LAMB1: variants seen among roughly 807,000 people sequenced by gnomAD.
The protein encoded by LAMB1 is laminin subunit beta 1.
LAMB1 carries 121 observed loss-of-function variants against 222.3 expected under a neutral mutation model. The observed-to-expected ratio is 0.54, with a 90% CI of 0.47 to 0.63. The LOEUF (loss-of-function observed/expected upper bound fraction) is 0.63. LAMB1 is among the 30% of genes least tolerant of loss of function. The pLI is 0.00. For missense variants in LAMB1, 2,172 were observed against 2,240.8 expected (o/e 0.97, Z 0.62); for synonymous variants, 794 against 807.2 (o/e 0.98, Z 0.28).
chr7:107,951,472 G>T (rs1012113202), intron 23 of LAMB1, 150 bp from the exon 24 acceptor site: 3 of 653,728 alleles, frequency 4.6e-6, no homozygotes, highest in Admixed American at 2.9e-5. Flanking sequence ...CACTTCAATC[G>T]TAGGTGTCGA....
intron 13 of LAMB1, among the ~76,000 whole-genome samples, chr7:107,971,115 C>T (rs896706874): frequency 1.3e-5 from 2 of 152,188 alleles, no homozygotes; most frequent in African/African-American, 4.8e-5. Flanking sequence ...TACCAAAAAT[C>T]CATTTAGCTC....
chr7:107,944,384 A>G (rs1031243550), intron 24 of LAMB1, among the ~76,000 whole-genome samples: 7 of 152,172 alleles, frequency 4.6e-5, no homozygotes, highest in South Asian at 2.1e-4. Context: ...AAGAGTTCCA[A>G]TGAGCTAGCA....
chr7:107,989,770 A>G (rs1220091735), intron 5 of LAMB1, among the ~76,000 whole-genome samples: 1 of 152,154 alleles, frequency 6.6e-6, no homozygotes, highest in Admixed American at 6.5e-5. Flanking sequence ...CTCTGTGCCA[A>G]TGGCTCTGTG....
At chr7:107,958,113 C>CT (rs1326979214) in intron 20 of LAMB1, among the ~76,000 whole-genome samples, 1 of 152,180 alleles carries the variant, frequency 6.6e-6, no homozygotes, top group Non-Finnish European at 1.5e-5. Flanking sequence ...ATGTCTTTCT[C>CT]TGTTTTCTCA....
Position 107,961,667 on chromosome 7 carries a change from G to A in LAMB1, c.1867C>T (p.His623Tyr), listed in dbSNP as rs752194192. ...LIRYEPQLPDHWEKAVITVQR... is the reference protein window; with the variant it reads ...LIRYEPQLPDYWEKAVITVQR... The stretch of plus-strand genomic sequence containing the variant: ...ACTGTGATGACAGCTTTTTCCCAGT[G>A]GTCGGGTAGCTAGAATAAGAAACAA... The change falls in exon 16 of 34, where the codon CAC (histidine) becomes TAC (tyrosine). Residue 623 changes from histidine to tyrosine, a missense_variant. By Grantham distance (83) the His-to-Tyr change is moderately conservative. Transcript: ENST00000222399. 6.2e-6 allele frequency: 10 copies of A among 1,613,082 alleles called. No individual in the cohort carries two copies. Among genetic ancestry groups the A allele is most frequent in the Admixed American group, 5.0e-5 (3 of 59,982 alleles).
At chr7:107,956,612 T>G (rs1051241901) in intron 20 of LAMB1, among the ~76,000 whole-genome samples, 4 of 152,232 alleles carry the variant, frequency 2.6e-5, no homozygotes, top group African/African-American at 9.6e-5. Context: ...GAGTCTGTCC[T>G]CCTAGGCGGG....
intron 21 of LAMB1, 110 bp downstream of exon 21, chr7:107,955,357 T>G: frequency 4.2e-6 from 4 of 948,810 alleles, no homozygotes; most frequent in Non-Finnish European, 5.9e-6. Flanking sequence ...TTAAAAATTA[T>G]AAAAGTAGAC....
chr7:107,967,143 A>G (rs917461032), intron 13 of LAMB1, among the ~76,000 whole-genome samples: 3 of 152,164 alleles, frequency 2.0e-5, no homozygotes, highest in African/African-American at 7.2e-5. Flanking sequence ...CACCACCCAC[A>G]CTGACTTCTT....
chr7:107,992,852 A>C (rs187989956), intron 5 of LAMB1, among the ~76,000 whole-genome samples: 1 of 152,152 alleles, frequency 6.6e-6, no homozygotes, highest in African/African-American at 2.4e-5. Context: ...CCAAGATTGC[A>C]CCACTGCACT....
intron 19 of LAMB1, 103 bp from the exon 20 acceptor site, chr7:107,959,583 G>T: frequency 6.2e-7 from 1 of 1,610,420 alleles, no homozygotes; most frequent in Non-Finnish European, 8.5e-7. Flanking sequence ...CTCATGGGTT[G>T]GTGTGATCAA....
intron 20 of LAMB1, among the ~76,000 whole-genome samples, chr7:107,956,283 T>C (rs1202465542): frequency 2.0e-5 from 3 of 152,204 alleles, no homozygotes; most frequent in African/African-American, 7.2e-5. Flanking sequence ...TCTGCCCACC[T>C]CTCTTTATGT....
At chr7:107,955,422 A>AT (rs1164269497) in intron 21 of LAMB1, 45 bp downstream of exon 21, 9 of 1,549,558 alleles carry the variant, frequency 5.8e-6, no homozygotes, top group Non-Finnish European at 7.0e-6. Flanking sequence ...TCATAAAGAC[A>AT]TCTTTTTCTC....
In LAMB1 at chr7:107,981,446, A is replaced by T. The variant is rs1383149383; in HGVS notation, c.677-635T>A. Among the ~76,000 whole-genome samples the T allele has an allele frequency of 3.3e-4, 13 of 39,550 alleles. No individual in the cohort carries two copies. The South Asian group carries it at 6.0e-3, about 18-fold the overall frequency. 25.9% of individuals were successfully genotyped at this position (39,550 alleles called of 152,430 possible). A position where few individuals can be genotyped will look rare whatever the true frequency, so the allele number is the denominator to read the frequency against. On this transcript the variant is annotated intron_variant, in intron 7 of 33. Coordinates refer to ENST00000222399, the MANE Select transcript of LAMB1 (RefSeq NM_002291.3). ...CTGAACGACAAGAGCAAAACTGTTT[A>T]AAAAAAAAAAAAAAAAATTAGCCAG...
At chr7:107,960,301 G>A (rs1035490157) in intron 18 of LAMB1, 144 bp downstream of exon 18, 1 of 623,564 alleles carries the variant, frequency 1.6e-6, no homozygotes, top group Non-Finnish European at 2.8e-6. Context: ...TACTTAAAAA[G>A]ATAAAGACAA....
chr7:107,965,276 CT>C (rs2033608941), intron 13 of LAMB1, among the ~76,000 whole-genome samples: 1 of 152,188 alleles, frequency 6.6e-6, no homozygotes, highest in Admixed American at 6.5e-5. Flanking sequence ...ATTGGCTATG[CT>C]ATGCTAAATA....
rs1286031256 is a variant in LAMB1 at position 107,961,649 on chromosome 7, T to A, written c.1885A>T (p.Ile629Phe). The A allele has an allele frequency of 6.2e-7, 1 of 1,613,908 alleles. No homozygotes were observed. Among genetic ancestry groups the A allele is most frequent in the South Asian group, 1.1e-5 (1 of 91,068 alleles). ...QLPDHWEKAV[I>F]TVQRPGRIPT... The stretch of plus-strand genomic sequence containing the variant: ...ATCCTTCCAGGTCGCTGCACTGTGA[T>A]GACAGCTTTTTCCCAGTGGTCGGGT... Residue 629 changes from isoleucine (I) to phenylalanine (F), a missense_variant, in exon 16 of 34, where the codon ATC (isoleucine) becomes TTC (phenylalanine). Physicochemically the swap from Ile to Phe is conservative, Grantham distance 21. Transcript: ENST00000222399.
chr7:107,961,582 T>C lies in LAMB1; in HGVS notation c.1952A>G (p.Asp651Gly). The C allele has an allele frequency of 1.2e-6, 2 of 1,614,130 alleles. No homozygotes were observed. Among genetic ancestry groups the C allele is most frequent in the Non-Finnish European group, 1.7e-6 (2 of 1,179,984 alleles). ...SRCGNTIPDD[D>G]NQVVSLSPGS... is the part of the protein sequence containing the mutation. ...TGGTGATAATGACACCACCTGGTTGTCATCATCGGGGATGGTATTACCACA... is the reference window on the plus strand; with the variant it reads ...TGGTGATAATGACACCACCTGGTTGCCATCATCGGGGATGGTATTACCACA... The change falls in exon 16 of 34, where the codon GAC becomes GGC. Residue 651 changes from aspartate to glycine, a missense_variant. Asp to Gly is a moderately conservative substitution (Grantham distance 94). Transcript: ENST00000222399.
chr7:107,948,585 A>AAAT (rs2033178139), intron 24 of LAMB1, among the ~76,000 whole-genome samples: 1 of 152,188 alleles, frequency 6.6e-6, no homozygotes, highest in African/African-American at 2.4e-5. Flanking sequence ...TATCATTATT[A>AAAT]GGGTCACGAA....
intron 5 of LAMB1, among the ~76,000 whole-genome samples, chr7:107,993,441 G>A (rs2034223783): frequency 6.6e-6 from 1 of 152,050 alleles, no homozygotes; most frequent in South Asian, 2.1e-4. Context: ...GCCCCAACTT[G>A]TAGCCATTCT....
Sources: allele counts gnomAD v4.1 joint callset (sites outside exome capture counted in the v4.1 genomes callset), GRCh38; gene constraint gnomAD v4.1.1; transcripts MANE v1.5; gene names NCBI Gene and HGNC (gene_info 2026-07-23, HGNC 2026-07-21).